Variants in RTN1 observed in about 807,000 individuals in gnomAD.
RTN1 encodes reticulon-1.
RTN1 carries 25 observed loss-of-function variants against 65.5 expected under a neutral mutation model. The ratio of observed to expected loss-of-function variants is 0.38; its 90% CI spans 0.28 to 0.53. The LOEUF is 0.53. Among genes scored for constraint, RTN1 ranks in the 20% least tolerant of loss-of-function variants. The pLI is 0.79. For missense variants in RTN1, 983 were observed against 1,025.4 expected (o/e 0.96, Z 0.57); for synonymous variants, 471 against 447.6 (o/e 1.05, Z -0.66).
At chr14:59,832,851 T>C (rs1411930785) in intron 1 of RTN1, among the ~76,000 whole-genome samples, 1 of 152,184 alleles carries the variant, frequency 6.6e-6, no homozygotes, top group Non-Finnish European at 1.5e-5. Flanking sequence ...TTTATGATCT[T>C]GTTGTTGGTC....
Position 59,655,397 on chromosome 14 carries a change from A to T in RTN1, c.1766-47905T>A, listed in dbSNP as rs564196733. On this transcript the variant is annotated intron_variant, in intron 3 of 8. Coordinates refer to ENST00000267484, the MANE Select transcript of RTN1 (RefSeq NM_021136.3). ...CAGTATTCCTGAAATAAATCTGTAGATTCAAACAATCCCTGTCAAAATGTC... is the reference window on the plus strand; with the variant it reads ...CAGTATTCCTGAAATAAATCTGTAGTTTCAAACAATCCCTGTCAAAATGTC... Among the ~76,000 whole-genome samples, 4 of 152,372 alleles carry T rather than the reference A, an allele frequency of 2.6e-5. No individual in the cohort carries two copies. In the South Asian group the frequency reaches 8.3e-4, roughly 32 times the overall value.
At chr14:59,746,701 G>T (rs908594809) in intron 1 of RTN1, among the ~76,000 whole-genome samples, 1 of 152,114 alleles carries the variant, frequency 6.6e-6, no homozygotes, top group Non-Finnish European at 1.5e-5. Flanking sequence ...GACCCCAGAG[G>T]CTCACATAAA....
rs371239399 is a variant in RTN1, at chr14:59,630,380, T to C, written c.1766-22888A>G. 8.3e-4 allele frequency: 1,336 copies of C among 1,604,528 alleles called. 1 individual carries two copies. The highest frequency in any genetic ancestry group is 1.1e-3 in the Non-Finnish European group (1,239 of 1,172,674). On this transcript the variant is annotated intron_variant, in intron 3 of 8. Transcript: ENST00000267484. ...GTCCCACAGGTGAAATGATGCACAA[T>C]GGACGAGTCCAGGTCCCGGGTTTCC...
At chr14:59,731,477 G>T (rs539301910) in intron 2 of RTN1, among the ~76,000 whole-genome samples, 61 of 152,084 alleles carry the variant, frequency 4.0e-4, no homozygotes, top group Middle Eastern at 3.4e-3. Flanking sequence ...TAAATGAATT[G>T]TATAGTATAT....
intron 3 of RTN1, among the ~76,000 whole-genome samples, chr14:59,626,239 T>A (rs1882396023): frequency 6.6e-6 from 1 of 152,216 alleles, no homozygotes; most frequent in African/African-American, 2.4e-5. Flanking sequence ...CTAGCTCCTT[T>A]CAGAACAGAC....
intron 3 of RTN1, among the ~76,000 whole-genome samples, chr14:59,689,031 C>T (rs964125474): frequency 6.6e-6 from 1 of 151,984 alleles, no homozygotes; most frequent in African/African-American, 2.4e-5. Context: ...GGAAGCTCAA[C>T]AAGATCCACG....
intron 1 of RTN1, among the ~76,000 whole-genome samples, chr14:59,791,634 G>C (rs1886350270): frequency 6.6e-6 from 1 of 152,146 alleles, no homozygotes; most frequent in African/African-American, 2.4e-5. Context: ...TGTGCATTCT[G>C]CCACATTAAC....
intron 6 of RTN1, 32 bp downstream of exon 6, chr14:59,603,820 A>T (rs1881656713): frequency 6.4e-7 from 1 of 1,562,234 alleles, no homozygotes; most frequent in Non-Finnish European, 8.8e-7. Flanking sequence ...GAGGGGGTGA[A>T]GGAAGACGTA....
At chr14:59,805,738 T>C (rs1886624348) in intron 1 of RTN1, among the ~76,000 whole-genome samples, 1 of 152,164 alleles carries the variant, frequency 6.6e-6, no homozygotes. Context: ...TTCTGATTTT[T>C]ATAATTTAAA....
chr14:59,801,849 T>C (rs1208702523), intron 1 of RTN1, among the ~76,000 whole-genome samples: 5 of 152,182 alleles, frequency 3.3e-5, no homozygotes, highest in African/African-American at 1.2e-4. Context: ...TTTCAGTTCT[T>C]CCTGTACTGT....
At chr14:59,856,436 C>A (rs1238675240) in intron 1 of RTN1, among the ~76,000 whole-genome samples, 2 of 152,172 alleles carry the variant, frequency 1.3e-5, no homozygotes, top group Non-Finnish European at 2.9e-5. Flanking sequence ...CCAACTCCCA[C>A]ACATACCTGG....
At chr14:59,612,008 T>C (rs568908878) in intron 3 of RTN1, among the ~76,000 whole-genome samples, 7 of 152,222 alleles carry the variant, frequency 4.6e-5, no homozygotes, top group Admixed American at 2.6e-4. Flanking sequence ...AGAGACCCCA[T>C]TGTGAATTAC....
Position 59,727,799 on chromosome 14 carries a change from C to T in RTN1, c.1016-131G>A, listed in dbSNP as rs964725822. ...GTCGTTGCTTGAGAAACACATATCT[C>T]ATTAGCACAAAAATAATCTGTTTCC... On this transcript the variant is annotated intron_variant, in intron 2 of 8. Transcript: ENST00000267484. The surrounding 1 kb of genome is among the most constrained non-coding windows in gnomAD (Gnocchi z 4.2). 16 of 1,260,334 alleles carry T rather than the reference C, an allele frequency of 1.3e-5. No individual in the cohort carries two copies. The highest frequency in any genetic ancestry group is 1.7e-5 in the Non-Finnish European group (16 of 943,936). 78.1% of individuals were successfully genotyped at this position (1,260,334 alleles called of 1,614,324 possible).
chr14:59,822,199 G>A (rs1886955540), intron 1 of RTN1, among the ~76,000 whole-genome samples: 2 of 152,134 alleles, frequency 1.3e-5, no homozygotes, highest in South Asian at 4.1e-4. Context: ...CTTGTTATTG[G>A]TCTGTTCAGG....
chr14:59,863,544 T>C (rs1887746855), intron 1 of RTN1, among the ~76,000 whole-genome samples: 1 of 152,194 alleles, frequency 6.6e-6, no homozygotes, highest in Non-Finnish European at 1.5e-5. Context: ...TTTTACTCAG[T>C]TTTCTTTGAA....
At chr14:59,814,022 G>A (rs2139616510) in intron 1 of RTN1, among the ~76,000 whole-genome samples, 1 of 152,282 alleles carries the variant, frequency 6.6e-6, no homozygotes, top group South Asian at 2.1e-4. Flanking sequence ...TGAAAAAGAT[G>A]CCTAGGAGTA....
chr14:59,630,751 T>C, intron 3 of RTN1: 1 of 1,086,814 alleles, frequency 9.2e-7, no homozygotes, highest in African/African-American at 1.7e-5. Flanking sequence ...CGGGCGCCGC[T>C]CCACGCGACA....
intron 3 of RTN1, among the ~76,000 whole-genome samples, chr14:59,670,745 A>G (rs1883484932): frequency 6.6e-6 from 1 of 152,202 alleles, no homozygotes; most frequent in Admixed American, 6.5e-5. Context: ...ATAAGTGTTA[A>G]TATAGTAACT....
intron 3 of RTN1, among the ~76,000 whole-genome samples, chr14:59,609,853 G>A (rs139654843): frequency 1.4e-3 from 209 of 152,322 alleles, no homozygotes; most frequent in African/African-American, 4.8e-3. Context: ...ATAAAAATAA[G>A]TGAATTATAC....
Sources: gnomAD v4.1 joint callset for allele counts (sites outside exome capture counted in the v4.1 genomes callset) on GRCh38, gnomAD v4.1.1 for gene constraint, Gnocchi (gnomAD v3.1) non-coding constraint, MANE v1.5 for transcripts, NCBI Gene and HGNC (gene_info 2026-07-23, HGNC 2026-07-21) for gene names.